ZNF525: variants seen among roughly 807,000 people sequenced by gnomAD.
The protein encoded by ZNF525 is zinc finger protein 525.
A neutral mutation model predicts 37.6 loss-of-function variants in ZNF525; 33 were observed. The ratio of observed to expected loss-of-function variants is 0.88; its 90% confidence interval spans 0.67 to 1.17. The LOEUF (loss-of-function observed/expected upper bound fraction) is 1.17. ZNF525 is among the 50% of genes most tolerant of loss of function. The pLI, the probability that ZNF525 is intolerant of heterozygous loss-of-function variation, is 0.00. For missense variants in ZNF525, 449 were observed against 543.1 expected (o/e 0.83, Z 1.72); for synonymous variants, 170 against 182.3 (o/e 0.93, Z 0.54).
chr19:53,383,517 A>G lies in ZNF525; in HGVS notation c.*1498A>G, dbSNP rs1568764583. 8.1e-7 allele frequency: 1 copy of G among 1,242,206 alleles called. No individual in the cohort carries two copies. Among genetic ancestry groups the G allele is most frequent in the East Asian group, 3.1e-5 (1 of 32,770 alleles). 76.9% of individuals were successfully genotyped at this position (1,242,206 alleles called of 1,614,324 possible). On this transcript the variant is annotated 3_prime_UTR_variant, in exon 4 of 4. Coordinates refer to ENST00000474037, the MANE Select transcript of ZNF525 (RefSeq NM_001348156.2). Reference sequence around the variant, plus strand: ...GTTTTTGACAAGGCTTTCGGACGTGATTCACACCTGGCACAACATCCCAGA... The same window carrying G: ...GTTTTTGACAAGGCTTTCGGACGTGGTTCACACCTGGCACAACATCCCAGA...
chr19:53,366,830 G>A (rs2085450867), intron 1 of ZNF525, among the ~76,000 whole-genome samples: 2 of 138,742 alleles, frequency 1.4e-5, no homozygotes, highest in Admixed American at 1.4e-4. Flanking sequence ...GAATTTAACG[G>A]GGAGAGCAGA....
chr19:53,377,331 C>T (rs1407375890), intron 3 of ZNF525, among the ~76,000 whole-genome samples: 1 of 151,990 alleles, frequency 6.6e-6, no homozygotes, highest in Non-Finnish European at 1.5e-5. Context: ...GCATATGCCA[C>T]CATGCCTGGC....
intron 2 of ZNF525, among the ~76,000 whole-genome samples, chr19:53,374,440 C>G (rs1432716335): frequency 6.6e-6 from 1 of 152,166 alleles, no homozygotes; most frequent in East Asian, 1.9e-4. Context: ...GCCATAGTGG[C>G]TGCCTCTGCA....
chr19:53,373,047 T>G (rs867560927), intron 2 of ZNF525, among the ~76,000 whole-genome samples: 4 of 152,132 alleles, frequency 2.6e-5, no homozygotes, highest in African/African-American at 9.7e-5. Flanking sequence ...TGGAGCCATA[T>G]TCTCATTCCA....
intron 1 of ZNF525, among the ~76,000 whole-genome samples, chr19:53,369,292 G>A (rs990551443): frequency 6.6e-6 from 1 of 152,012 alleles, no homozygotes; most frequent in African/African-American, 2.4e-5. Context: ...GCCCAGGCTG[G>A]AGTGCAATGG....
At chr19:53,370,472 G>C (rs952927046) in intron 1 of ZNF525, among the ~76,000 whole-genome samples, 6 of 150,720 alleles carry the variant, frequency 4.0e-5, no homozygotes, top group African/African-American at 1.5e-4. Context: ...CCTTCTCAGG[G>C]TAACTTGGTG....
intron 1 of ZNF525, among the ~76,000 whole-genome samples, chr19:53,370,085 A>G (rs755899966): frequency 8.6e-5 from 13 of 151,534 alleles, no homozygotes; most frequent in Admixed American, 4.6e-4. Context: ...GATAGGGGTG[A>G]TAAAGACCAA....
chr19:53,385,814 T>C lies in ZNF525; in HGVS notation c.*3795T>C, dbSNP rs2085601967. The stretch of plus-strand genomic sequence containing the variant: ...TGTAAACGGATAACTTATTTTGAGT[T>C]AGGGCAAGACAATGTTGACAGTGAT... On this transcript the variant is annotated 3_prime_UTR_variant, in exon 4 of 4. Transcript: ENST00000474037. The C allele has an allele frequency of 6.4e-6, 1 of 156,912 alleles. No homozygotes were observed. The highest frequency in any genetic ancestry group is 1.4e-5 in the Non-Finnish European group (1 of 71,100). 9.7% of individuals were successfully genotyped at this position (156,912 alleles called of 1,614,324 possible).
chr19:53,378,329 T>G (rs1260103213), intron 3 of ZNF525, among the ~76,000 whole-genome samples: 1 of 152,106 alleles, frequency 6.6e-6, no homozygotes, highest in African/African-American at 2.4e-5. Context: ...TGGTGGCACA[T>G]GGCTGTTATC....
In ZNF525 at chr19:53,380,798, A is replaced by T. The variant is rs767588039; in HGVS notation, c.219A>T (p.Thr73=). 7.8e-6 allele frequency: 11 copies of T among 1,417,340 alleles called. No homozygotes were observed. The highest frequency in any genetic ancestry group is 1.1e-5 in the Non-Finnish European group (11 of 1,000,780). The allele number at this position is 1,417,340 out of a possible 1,614,324, so 87.8% of individuals were successfully genotyped here. A position where few individuals can be genotyped will look rare whatever the true frequency, so the allele number is the denominator to read the frequency against. Residue 73 remains threonine, a synonymous_variant, in exon 4 of 4, where the codon ACA becomes ACT. Coordinates refer to ENST00000474037, the MANE Select transcript of ZNF525 (RefSeq NM_001348156.2). ...ATACAGAAGTGATCCACACAGGGAC[A>T]TTGCAAAGACATGAACGTCATCACA... ...QGNTEVIHTG[T]LQRHERHHIG...
intron 1 of ZNF525, among the ~76,000 whole-genome samples, chr19:53,370,356 T>C (rs2085478606): frequency 7.0e-6 from 1 of 142,634 alleles, no homozygotes; most frequent in Admixed American, 7.0e-5. Context: ...GAAGCGGAGT[T>C]TGCACCGAGA....
rs1189604184 is a variant in ZNF525 at position 53,381,100 on chromosome 19, T to C, written c.521T>C (p.Val174Ala). The change falls in exon 4 of 4, where the codon GTT becomes GCT. Residue 174 changes from valine to alanine, a missense_variant. Val to Ala is a moderately conservative substitution (Grantham distance 64, BLOSUM62 0). This residue lies in a region of ZNF525 where 271 missense variants were observed against 381.6 expected (regional missense o/e 0.71). Transcript: ENST00000474037. Reference sequence around the variant, plus strand: ...AAGTCTATCAACGATGCTTCCTCGGTTTCAACAGCCCAAAGAATTTCTTGT... The same window carrying C: ...AAGTCTATCAACGATGCTTCCTCGGCTTCAACAGCCCAAAGAATTTCTTGT... ...VEKSINDASS[V>A]STAQRISCRP... 6.9e-7 allele frequency: 1 copy of C among 1,459,146 alleles called. No individual in the cohort carries two copies. The highest frequency in any genetic ancestry group is 1.7e-5 in the Admixed American group (1 of 59,826). 90.4% of individuals were successfully genotyped at this position (1,459,146 alleles called of 1,614,324 possible). A position where few individuals can be genotyped will look rare whatever the true frequency, so the allele number is the denominator to read the frequency against.
chr19:53,366,132 C>T (rs1213161797), intron 1 of ZNF525, among the ~76,000 whole-genome samples: 1 of 150,462 alleles, frequency 6.6e-6, no homozygotes, highest in African/African-American at 2.4e-5. Context: ...AGCGTCGCAG[C>T]TCCGGTCCCG....
chr19:53,366,344 T>C (rs1235169772), intron 1 of ZNF525, among the ~76,000 whole-genome samples: 4 of 139,074 alleles, frequency 2.9e-5, no homozygotes, highest in African/African-American at 2.4e-5. Flanking sequence ...GCCTGCCCAG[T>C]TCCAGCCCCT....
chr19:53,382,831 T>A lies in ZNF525; in HGVS notation c.*812T>A. Reference sequence around the variant, plus strand: ...AGAAACCTTACAAATGTGAAGAATGTGATAAAGCTTTCAGATTCAAATCAA... The same window carrying A: ...AGAAACCTTACAAATGTGAAGAATGAGATAAAGCTTTCAGATTCAAATCAA... On this transcript the variant is annotated 3_prime_UTR_variant, in exon 4 of 4. Transcript: ENST00000474037. 1 of 1,257,164 alleles carries A rather than the reference T, an allele frequency of 8.0e-7. No individual in the cohort carries two copies. Among genetic ancestry groups the A allele is most frequent in the Non-Finnish European group, 1.1e-6 (1 of 870,622 alleles). The allele number at this position is 1,257,164 out of a possible 1,614,324, so 77.9% of individuals were successfully genotyped here. A position where few individuals can be genotyped will look rare whatever the true frequency, so the allele number is the denominator to read the frequency against.
intron 1 of ZNF525, among the ~76,000 whole-genome samples, chr19:53,368,176 A>G (rs1331579674): frequency 3.3e-5 from 5 of 152,166 alleles, no homozygotes; most frequent in African/African-American, 9.7e-5. Flanking sequence ...GGCAACTGTC[A>G]GTAGGCCTGT....
chr19:53,384,749 TTC>T lies in ZNF525; in HGVS notation c.*2732_*2733del, dbSNP rs1053518345. The T allele has an allele frequency of 8.3e-5, 40 of 479,072 alleles. No homozygotes were observed. Among genetic ancestry groups the T allele is most frequent in the African/African-American group, 7.6e-4 (38 of 50,082 alleles). The allele number at this position is 479,072 out of a possible 1,614,324, so 29.7% of individuals were successfully genotyped here. A position where few individuals can be genotyped will look rare whatever the true frequency, so the allele number is the denominator to read the frequency against. Reference sequence around the variant, plus strand: ...CGTCTACAAACAAATGTAATTTTACTTCTTTCTTTCTGATTTGGATGAGTTTG... The same window carrying T: ...CGTCTACAAACAAATGTAATTTTACTTTTCTTTCTGATTTGGATGAGTTTG... On this transcript the variant is annotated 3_prime_UTR_variant, in exon 4 of 4. Transcript: ENST00000474037.
intron 2 of ZNF525, among the ~76,000 whole-genome samples, chr19:53,373,055 C>T (rs1299045862): frequency 6.6e-6 from 1 of 151,982 alleles, no homozygotes; most frequent in Non-Finnish European, 1.5e-5. Flanking sequence ...TATTCTCATT[C>T]CACCTGTTAC....
At chr19:53,380,344 T>C (rs2085550764) in intron 3 of ZNF525, among the ~76,000 whole-genome samples, 1 of 152,208 alleles carries the variant, frequency 6.6e-6, no homozygotes, top group South Asian at 2.1e-4. Flanking sequence ...TTACATGAGC[T>C]TGCTGTGGAT....
Sources: allele counts gnomAD v4.1 joint callset (sites outside exome capture counted in the v4.1 genomes callset), GRCh38; gene constraint gnomAD v4.1.1; regional missense constraint gnomAD v4.1.1; transcripts MANE v1.5; gene names NCBI Gene and HGNC (gene_info 2026-07-23, HGNC 2026-07-21).